The following PCDH9 variants were observed in gnomAD, a reference collection of about 807,000 sequenced individuals.
PCDH9 encodes the protein protocadherin 9.
Under a neutral mutation model 70.6 loss-of-function variants are expected in PCDH9, and 24 were observed. The ratio of observed to expected loss-of-function variants is 0.34; its 90% confidence interval spans 0.25 to 0.48. The LOEUF (loss-of-function observed/expected upper bound fraction) is 0.48. Among genes scored for constraint, PCDH9 ranks in the 20% least tolerant of loss-of-function variants. The pLI is 0.99. For synonymous variants in PCDH9, 562 were observed against 558.5 expected, an observed-to-expected ratio of 1.01 and a Z score of -0.09; for missense variants, 1,281 against 1,503.6, an observed-to-expected ratio of 0.85 and a Z score of 2.45.
chr13:66,720,580 T>G (rs919176576), intron 3 of PCDH9, among the ~76,000 whole-genome samples: 1 of 152,110 alleles, frequency 6.6e-6, no homozygotes, highest in Non-Finnish European at 1.5e-5. Context: ...TTTTTTCTTC[T>G]AAGACCACTA....
At position 66,302,920 on chromosome 13, in the gene PCDH9, A is replaced by C. The variant is rs978842467; in HGVS notation, c.*1735T>G. On this transcript the variant is annotated 3_prime_UTR_variant, in exon 5 of 5. Coordinates refer to ENST00000377865, the MANE Select transcript of PCDH9 (RefSeq NM_203487.3). ...AGCAGTAACAAGGATAATTGTTTAGATATTTATTCTGTCAAAGTCATCAAA... is the reference window on the plus strand; with the variant it reads ...AGCAGTAACAAGGATAATTGTTTAGCTATTTATTCTGTCAAAGTCATCAAA... 6.6e-6 allele frequency: 1 copy of C among 152,426 alleles called. No individual in the cohort carries two copies. The highest frequency in any genetic ancestry group is 1.9e-4 in the East Asian group (1 of 5,186). 9.4% of individuals were successfully genotyped at this position (152,426 alleles called of 1,614,324 possible).
intron 2 of PCDH9, among the ~76,000 whole-genome samples, chr13:66,963,469 T>A (rs1292890553): frequency 6.6e-6 from 1 of 152,166 alleles, no homozygotes; most frequent in Non-Finnish European, 1.5e-5. Flanking sequence ...TAAGTGAATA[T>A]CCAGGAGTTA....
At chr13:66,641,351 C>G (rs985139369) in intron 3 of PCDH9, among the ~76,000 whole-genome samples, 4 of 152,154 alleles carry the variant, frequency 2.6e-5, no homozygotes, top group Non-Finnish European at 5.9e-5. Context: ...AACAAGCAGT[C>G]ACGTTAAAGA....
intron 2 of PCDH9, among the ~76,000 whole-genome samples, chr13:67,108,108 T>C (rs1347464353): frequency 6.6e-6 from 1 of 152,164 alleles, no homozygotes; most frequent in Non-Finnish European, 1.5e-5. Flanking sequence ...CCCACACTCC[T>C]CTCACTGCTC....
At chr13:66,491,696 C>A (rs1034890107) in intron 4 of PCDH9, among the ~76,000 whole-genome samples, 1 of 152,042 alleles carries the variant, frequency 6.6e-6, no homozygotes, top group Non-Finnish European at 1.5e-5. Flanking sequence ...GTTATATTAT[C>A]ACTTTCTCAG....
chr13:66,952,761 A>G (rs1477273226), intron 2 of PCDH9, among the ~76,000 whole-genome samples: 1 of 152,056 alleles, frequency 6.6e-6, no homozygotes, highest in Non-Finnish European at 1.5e-5. Context: ...ACCATCTTCT[A>G]TTGACCAGCC....
chr13:66,391,883 CATATATAT>C (rs140840857), intron 4 of PCDH9, among the ~76,000 whole-genome samples: 2,793 of 143,256 alleles, frequency 0.019, 89 homozygotes, highest in African/African-American at 0.068. Context: ...GCCATATATG[CATATATAT>C]ATATATATAT....
chr13:66,948,999 G>A (rs949071577), intron 2 of PCDH9, among the ~76,000 whole-genome samples: 2 of 151,884 alleles, frequency 1.3e-5, no homozygotes, highest in Non-Finnish European at 1.5e-5. Flanking sequence ...CTAAATCAGT[G>A]CTTAAAAGGA....
chr13:67,124,550 A>G (rs2086939522), intron 2 of PCDH9, among the ~76,000 whole-genome samples: 1 of 152,192 alleles, frequency 6.6e-6, no homozygotes, highest in Non-Finnish European at 1.5e-5. Flanking sequence ...GTTCCTTGCT[A>G]TAAAACAATA....
chr13:66,783,612 T>C (rs998416573), intron 3 of PCDH9, among the ~76,000 whole-genome samples: 3 of 152,176 alleles, frequency 2.0e-5, no homozygotes, highest in African/African-American at 7.2e-5. Context: ...GGTTATTATT[T>C]TAAGTAATTC....
intron 2 of PCDH9, among the ~76,000 whole-genome samples, chr13:67,081,101 T>A (rs2085973815): frequency 6.6e-6 from 1 of 152,222 alleles, no homozygotes; most frequent in Non-Finnish European, 1.5e-5. Context: ...TATCCATATG[T>A]ATTGTTTTAT....
intron 4 of PCDH9, among the ~76,000 whole-genome samples, chr13:66,322,151 A>ATT (rs1489385752): frequency 6.6e-6 from 1 of 151,800 alleles, no homozygotes; most frequent in Non-Finnish European, 1.5e-5. Flanking sequence ...GACATGCTAG[A>ATT]TTTTTGCTTT....
Position 66,444,852 on chromosome 13 carries a change from C to T in PCDH9, c.3341-139824G>A, listed in dbSNP as rs541121641. Reference sequence around the variant, plus strand: ...CTGGGATTACAGGCATGAGCCACCACGCCCAGCCTTAGAAAGTATTTTTAT... The same window carrying T: ...CTGGGATTACAGGCATGAGCCACCATGCCCAGCCTTAGAAAGTATTTTTAT... On this transcript the variant is annotated intron_variant, in intron 4 of 4. Coordinates refer to ENST00000377865, the MANE Select transcript of PCDH9 (RefSeq NM_203487.3). Among the ~76,000 whole-genome samples, 29 of 152,042 alleles carry T rather than the reference C, an allele frequency of 1.9e-4. No individual in the cohort carries two copies. In the South Asian group the frequency reaches 6.0e-3, roughly 32 times the overall value.
chr13:66,784,504 T>C (rs182871376), intron 3 of PCDH9, among the ~76,000 whole-genome samples: 90 of 152,272 alleles, frequency 5.9e-4, no homozygotes, highest in African/African-American at 2.1e-3. Context: ...ATCTTCAGAC[T>C]TAGTTTACGT....
intron 4 of PCDH9, among the ~76,000 whole-genome samples, chr13:66,326,400 A>T (rs1462351133): frequency 2.0e-5 from 3 of 150,190 alleles, no homozygotes; most frequent in Non-Finnish European, 4.4e-5. Context: ...CTTCTTCTAA[A>T]AAAAAAAAAA....
chr13:66,899,013 A>C (rs2082231782), intron 3 of PCDH9, among the ~76,000 whole-genome samples: 1 of 152,028 alleles, frequency 6.6e-6, no homozygotes, highest in Non-Finnish European at 1.5e-5. Flanking sequence ...TACAAGACAC[A>C]TAATAATAGT....
intron 4 of PCDH9, among the ~76,000 whole-genome samples, chr13:66,339,689 T>C (rs2138141695): frequency 6.6e-6 from 1 of 152,246 alleles, no homozygotes; most frequent in East Asian, 1.9e-4. Flanking sequence ...ATGCATCTAT[T>C]CATTTTTCTT....
At chr13:66,782,677 A>G (rs180987124) in intron 3 of PCDH9, 1 of 152,294 alleles carries the variant, frequency 6.6e-6, no homozygotes, top group East Asian at 1.9e-4. Context: ...TTATGAATAT[A>G]GCTACTAAAA....
chr13:66,401,922 C>A (rs1396338232), intron 4 of PCDH9, among the ~76,000 whole-genome samples: 1 of 152,140 alleles, frequency 6.6e-6, no homozygotes, highest in Non-Finnish European at 1.5e-5. Flanking sequence ...GGTACCCCAC[C>A]CAACAGGTGA....
Sources: gnomAD v4.1 joint callset for allele counts (sites outside exome capture counted in the v4.1 genomes callset) on GRCh38, gnomAD v4.1.1 for gene constraint, MANE v1.5 for transcripts, NCBI Gene and HGNC (gene_info 2026-07-23, HGNC 2026-07-21) for gene names.